Variants in BMP6 observed in about 807,000 individuals in gnomAD.
BMP6 encodes bone morphogenetic protein 6.
Under a neutral mutation model 54.1 loss-of-function variants are expected in BMP6, and 17 were observed. That is an observed-to-expected ratio of 0.31 (90% CI 0.22 to 0.47). The LOEUF is 0.47. Ranked by LOEUF, BMP6 falls within the 20% of genes least tolerant of loss-of-function variation. BMP6 has a pLI of 1.00. For synonymous variants in BMP6, 328 were observed against 291.2 expected, an observed-to-expected ratio of 1.13 and a Z score of -1.28; for missense variants, 720 against 690.4, an observed-to-expected ratio of 1.04 and a Z score of -0.48.
chr6:7,870,258 G>A (rs1247764324), intron 4 of BMP6, among the ~76,000 whole-genome samples: 8 of 152,174 alleles, frequency 5.3e-5, no homozygotes, highest in Non-Finnish European at 8.8e-5. Context: ...ATTCTGGATT[G>A]GAACACCCCG....
intron 1 of BMP6, among the ~76,000 whole-genome samples, chr6:7,817,089 AT>A (rs916729675): frequency 1.3e-5 from 2 of 152,198 alleles, no homozygotes; most frequent in Non-Finnish European, 2.9e-5. Context: ...CTTTCAAAAC[AT>A]TCAGTCTATT....
chr6:7,871,749 G>A (rs1413595835), intron 4 of BMP6, among the ~76,000 whole-genome samples: 1 of 152,180 alleles, frequency 6.6e-6, no homozygotes, highest in Non-Finnish European at 1.5e-5. Context: ...GGAGCCTTGG[G>A]GTCCCAAGAC....
intron 1 of BMP6, among the ~76,000 whole-genome samples, chr6:7,784,257 T>C (rs1757991039): frequency 6.6e-6 from 1 of 152,208 alleles, no homozygotes. Flanking sequence ...CATCATTAAA[T>C]TTATGACTTA....
intron 1 of BMP6, among the ~76,000 whole-genome samples, chr6:7,733,705 ACTTT>A (rs745525690): frequency 1.3e-5 from 2 of 152,062 alleles, no homozygotes; most frequent in Non-Finnish European, 2.9e-5. Context: ...ATTCAAATAC[ACTTT>A]CTTTTCTGAT....
intron 4 of BMP6, among the ~76,000 whole-genome samples, chr6:7,869,407 C>G (rs1470817111): frequency 6.6e-6 from 1 of 152,198 alleles, no homozygotes; most frequent in Non-Finnish European, 1.5e-5. Flanking sequence ...TGGAATTAAC[C>G]CAGATGTTAT....
At chr6:7,785,088 C>T (rs751231979) in intron 1 of BMP6, among the ~76,000 whole-genome samples, 9 of 152,174 alleles carry the variant, frequency 5.9e-5, no homozygotes, top group African/African-American at 9.7e-5. Flanking sequence ...GGTAGCTAGA[C>T]GCAGGGGGCC....
rs991227019 is a variant in BMP6 at position 7,814,281 on chromosome 6, G to A, written c.665-30859G>A. On this transcript the variant is annotated intron_variant, in intron 1 of 6. Transcript: ENST00000283147. ...ATATCTGCAGAATCCCTATTGCCACGTAACTTAATCAGGACATGACATCTC... is the reference window on the plus strand; with the variant it reads ...ATATCTGCAGAATCCCTATTGCCACATAACTTAATCAGGACATGACATCTC... 4.6e-5 allele frequency among the ~76,000 whole-genome samples: 7 copies of A among 152,164 alleles called. No individual in the cohort carries two copies. In the South Asian group the frequency reaches 1.2e-3, roughly 27 times the overall value.
intron 4 of BMP6, among the ~76,000 whole-genome samples, chr6:7,868,492 T>C (rs1241624952): frequency 1.3e-5 from 2 of 152,174 alleles, no homozygotes; most frequent in Non-Finnish European, 2.9e-5. Flanking sequence ...TTGGATAAGA[T>C]GGGGCCGATA....
chr6:7,862,334 T>G lies in BMP6; in HGVS notation c.1040T>G (p.Val347Gly). 1 of 1,614,150 alleles carries G rather than the reference T, an allele frequency of 6.2e-7. No individual in the cohort carries two copies. The highest frequency in any genetic ancestry group is 8.5e-7 in the Non-Finnish European group (1 of 1,180,018). Residue 347 changes from valine (V) to glycine (G), a missense_variant, in exon 4 of 7, where the codon GTG (valine) becomes GGG (glycine). Physicochemically the swap from Val to Gly is moderately radical, Grantham distance 109. Coordinates refer to ENST00000283147, the MANE Select transcript of BMP6 (RefSeq NM_001718.6). ...GTCCACCCCCGAGCCGCAGGCCTGG[T>G]GGGCAGAGACGGCCCTTACGACAAG... ...VHVHPRAAGL[V>G]GRDGPYDKQP...
chr6:7,771,780 C>T (rs1363859262), intron 1 of BMP6, among the ~76,000 whole-genome samples: 3 of 152,122 alleles, frequency 2.0e-5, no homozygotes, highest in Non-Finnish European at 4.4e-5. Flanking sequence ...AGGTCGGATG[C>T]GGTGGCTCAT....
chr6:7,856,090 T>C (rs1431680235), intron 2 of BMP6, among the ~76,000 whole-genome samples: 1 of 122,484 alleles, frequency 8.2e-6, no homozygotes, highest in Non-Finnish European at 1.6e-5. Context: ...TGCTAGCCAT[T>C]GGGTGAAAAT....
rs777164496 is a variant in BMP6 at position 7,727,353 on chromosome 6, C to G, written c.398C>G (p.Pro133Arg). 3.4e-5 allele frequency: 55 copies of G among 1,609,970 alleles called. No homozygotes were observed. The highest frequency in any genetic ancestry group is 4.0e-5 in the Non-Finnish European group (47 of 1,178,862). ...CCTCCCGGGCGACTGAAGTCCGCGC[C>G]CCTCTTCATGCTGGATCTGTACAAC... is the stretch of plus-strand genomic sequence containing the variant. ...EPPPGRLKSA[P>R]LFMLDLYNAL... Residue 133 changes from proline (P) to arginine (R), a missense_variant, in exon 1 of 7, where the codon CCC becomes CGC. Pro to Arg is a moderately radical substitution (Grantham distance 103). Around this residue, in one of 3 missense-constraint regions of BMP6, gnomAD observed 650 missense variants for 556.3 expected, o/e 1.17. Transcript: ENST00000283147.
chr6:7,879,387 C>T (rs9505297), intron 5 of BMP6, among the ~76,000 whole-genome samples: 1,916 of 152,312 alleles, frequency 0.013, 47 homozygotes, highest in African/African-American at 0.043. Flanking sequence ...TCTGTGATCC[C>T]TCAAAAATCA....
At chr6:7,776,720 G>T (rs1269252714) in intron 1 of BMP6, among the ~76,000 whole-genome samples, 1 of 152,216 alleles carries the variant, frequency 6.6e-6, no homozygotes, top group Non-Finnish European at 1.5e-5. Context: ...GTGCAATCAT[G>T]ATTCACTGCA....
At chr6:7,804,071 G>A (rs967893399) in intron 1 of BMP6, among the ~76,000 whole-genome samples, 1 of 152,150 alleles carries the variant, frequency 6.6e-6, no homozygotes, top group Non-Finnish European at 1.5e-5. Flanking sequence ...AGAGGAAAAT[G>A]TGCAGGAAAC....
intron 2 of BMP6, among the ~76,000 whole-genome samples, chr6:7,857,708 C>T (rs114124835): frequency 0.015 from 2,282 of 152,280 alleles, 60 homozygotes; most frequent in African/African-American, 0.052. Context: ...TTTTACAGTC[C>T]GCAGACTAGG....
chr6:7,780,169 G>T (rs1188980608), intron 1 of BMP6, among the ~76,000 whole-genome samples: 2 of 152,206 alleles, frequency 1.3e-5, no homozygotes, highest in African/African-American at 4.8e-5. Context: ...CACTTGTGTT[G>T]TGTTTCTGTG....
intron 1 of BMP6, among the ~76,000 whole-genome samples, chr6:7,750,888 G>A (rs1221592310): frequency 1.3e-5 from 2 of 152,048 alleles, no homozygotes; most frequent in Non-Finnish European, 2.9e-5. Flanking sequence ...CTGTAATTCT[G>A]CCCACCTTGC....
At chr6:7,879,347 C>T (rs150090182) in intron 5 of BMP6, among the ~76,000 whole-genome samples, 197 bp downstream of exon 5, 56 of 152,272 alleles carry the variant, frequency 3.7e-4, no homozygotes, top group South Asian at 1.0e-3. Flanking sequence ...GGGCACCAGG[C>T]GCTCCAACAC....
Sources: allele counts gnomAD v4.1 joint callset (sites outside exome capture counted in the v4.1 genomes callset), GRCh38; gene constraint gnomAD v4.1.1; regional missense constraint gnomAD v4.1.1; transcripts MANE v1.5; gene names NCBI Gene and HGNC (gene_info 2026-07-23, HGNC 2026-07-21).